AUTS2: variants seen among roughly 807,000 people sequenced by gnomAD.
AUTS2 encodes the protein autism susceptibility gene 2 protein.
Under a neutral mutation model 112.4 loss-of-function variants are expected in AUTS2, and 17 were observed. That is an observed-to-expected ratio of 0.15 (90% CI 0.10 to 0.23). The LOEUF (loss-of-function observed/expected upper bound fraction) is 0.23. Ranked by LOEUF, AUTS2 falls within the 10% of genes least tolerant of loss-of-function variation. AUTS2 has a pLI of 1.00. For synonymous variants in AUTS2, 751 were observed against 702.7 expected, an observed-to-expected ratio of 1.07 and a Z score of -1.09; for missense variants, 1,510 against 1,701.6, an observed-to-expected ratio of 0.89 and a Z score of 1.98.
chr7:70,185,384 G>T (rs1022814968), intron 4 of AUTS2, among the ~76,000 whole-genome samples: 1 of 148,588 alleles, frequency 6.7e-6, no homozygotes, highest in African/African-American at 2.5e-5. Context: ...TGGGATTACA[G>T]TTGTGAGCCA....
At chr7:70,037,651 T>G (rs1801067953) in intron 2 of AUTS2, among the ~76,000 whole-genome samples, 1 of 152,180 alleles carries the variant, frequency 6.6e-6, no homozygotes, top group Admixed American at 6.5e-5. Flanking sequence ...TACTCTTCTT[T>G]TAGCCCAAAT....
At chr7:70,068,153 C>A (rs1802580666) in intron 2 of AUTS2, among the ~76,000 whole-genome samples, 2 of 149,532 alleles carry the variant, frequency 1.3e-5, no homozygotes, top group African/African-American at 4.9e-5. Context: ...TTCTGACTGG[C>A]AAAACATAAG....
At chr7:70,137,654 A>C (rs956300434) in intron 4 of AUTS2, among the ~76,000 whole-genome samples, 1 of 152,132 alleles carries the variant, frequency 6.6e-6, no homozygotes. Context: ...TATGTCTCTG[A>C]GTCTATTTCC....
At position 69,599,631 on chromosome 7, in the gene AUTS2, G is replaced by C; in HGVS notation, c.-23G>C. The C allele has an allele frequency of 1.6e-6, 2 of 1,275,768 alleles. No individual in the cohort carries two copies. The highest frequency in any genetic ancestry group is 3.1e-5 in the South Asian group (1 of 31,798). 79.0% of individuals were successfully genotyped at this position (1,275,768 alleles called of 1,614,324 possible). On this transcript the variant is annotated 5_prime_UTR_variant, in exon 1 of 19. Transcript: ENST00000342771. This position sits in a 1 kb window ranked among gnomAD's most constrained non-coding sequence, Gnocchi z 7.0. ...GCCGTAGCCTGTGGCGGGCAAGCGGGGAGACCCCGGCGCAGCAGAACCATG... is the reference window on the plus strand; with the variant it reads ...GCCGTAGCCTGTGGCGGGCAAGCGGCGAGACCCCGGCGCAGCAGAACCATG...
intron 6 of AUTS2, among the ~76,000 whole-genome samples, chr7:70,726,815 C>T (rs17684191): frequency 0.037 from 5,700 of 152,156 alleles, 201 homozygotes; most frequent in African/African-American, 0.09. Flanking sequence ...GTGGATCTGG[C>T]GCTTTTGTTC....
intron 4 of AUTS2, among the ~76,000 whole-genome samples, chr7:70,421,793 G>A (rs1795234484): frequency 6.6e-6 from 1 of 152,152 alleles, no homozygotes; most frequent in Admixed American, 6.5e-5. Flanking sequence ...GCAGCATTCA[G>A]AAAAATAGCA....
At chr7:70,301,294 T>A (rs552613939) in intron 4 of AUTS2, among the ~76,000 whole-genome samples, 1 of 152,288 alleles carries the variant, frequency 6.6e-6, no homozygotes, top group South Asian at 2.1e-4. Context: ...TTAAGGACTG[T>A]TGTTGGTGAT....
chr7:70,183,946 A>G (rs951050644), intron 4 of AUTS2, among the ~76,000 whole-genome samples: 2 of 151,720 alleles, frequency 1.3e-5, no homozygotes, highest in Non-Finnish European at 2.9e-5. Flanking sequence ...AATTGAATGT[A>G]AAGAAGGAAG....
Position 70,633,639 on chromosome 7 carries a change from A to ACATGGAAT in AUTS2, c.691-64929_691-64922dup, listed in dbSNP as rs1484637108. On this transcript the variant is annotated intron_variant, in intron 5 of 18. Transcript: ENST00000342771. ...AAAAAAAAAAAAAAAAGGACAGAAC[A>ACATGGAAT]CATGGAATGCCTGATCCTTGATTGG... Among the ~76,000 whole-genome samples, 3 of 151,188 alleles carry ACATGGAAT rather than the reference A, an allele frequency of 2.0e-5. No homozygotes were observed. In the East Asian group the frequency reaches 5.8e-4, roughly 29 times the overall value.
intron 5 of AUTS2, among the ~76,000 whole-genome samples, chr7:70,585,406 T>A (rs777061980): frequency 2.0e-5 from 3 of 152,184 alleles, no homozygotes; most frequent in Non-Finnish European, 4.4e-5. Flanking sequence ...CTCCCGCTTC[T>A]CTTCCAGAAT....
intron 1 of AUTS2, among the ~76,000 whole-genome samples, chr7:69,633,043 T>G (rs1232392250): frequency 6.6e-6 from 1 of 152,220 alleles, no homozygotes; most frequent in Non-Finnish European, 1.5e-5. Context: ...CCTTTAGTCC[T>G]CATGTTGTAC....
intron 1 of AUTS2, among the ~76,000 whole-genome samples, chr7:69,882,720 CTG>C (rs1794108818): frequency 6.6e-6 from 1 of 152,146 alleles, no homozygotes; most frequent in Non-Finnish European, 1.5e-5. Context: ...TATGAGAAAA[CTG>C]AAGCTTCACA....
intron 5 of AUTS2, among the ~76,000 whole-genome samples, chr7:70,470,923 G>A (rs574846328): frequency 2.0e-4 from 30 of 152,242 alleles, no homozygotes; most frequent in Admixed American, 4.6e-4. Context: ...CGAACTTCCT[G>A]GATATCTTTA....
intron 4 of AUTS2, among the ~76,000 whole-genome samples, chr7:70,410,242 G>T (rs962925214): frequency 2.6e-5 from 4 of 152,118 alleles, no homozygotes; most frequent in African/African-American, 7.2e-5. Flanking sequence ...GCTCAGTGAT[G>T]CTACTAGGAA....
chr7:69,709,596 A>G (rs995142930), intron 1 of AUTS2, among the ~76,000 whole-genome samples: 1 of 152,202 alleles, frequency 6.6e-6, no homozygotes, highest in African/African-American at 2.4e-5. Flanking sequence ...AAATAAGCAC[A>G]TTTCTGAAAC....
intron 4 of AUTS2, among the ~76,000 whole-genome samples, chr7:70,175,296 C>G (rs1808926594): frequency 6.6e-6 from 1 of 152,166 alleles, no homozygotes; most frequent in Non-Finnish European, 1.5e-5. Context: ...CAAAATTGAA[C>G]AGATGAGGAG....
At chr7:70,348,270 A>G (rs1791587843) in intron 4 of AUTS2, among the ~76,000 whole-genome samples, 1 of 152,212 alleles carries the variant, frequency 6.6e-6, no homozygotes, top group Non-Finnish European at 1.5e-5. Context: ...CCAGCTAGCC[A>G]TTGGCAAAAC....
intron 5 of AUTS2, among the ~76,000 whole-genome samples, chr7:70,675,194 T>C (rs963555496): frequency 4.6e-5 from 7 of 152,160 alleles, no homozygotes; most frequent in African/African-American, 1.7e-4. Context: ...AAAATCCGTA[T>C]TTCAGAAATG....
intron 2 of AUTS2, among the ~76,000 whole-genome samples, chr7:69,994,720 A>C (rs558489831): frequency 3.3e-5 from 5 of 152,340 alleles, no homozygotes; most frequent in African/African-American, 1.2e-4. Flanking sequence ...ATTCGTGGAC[A>C]GATGCTTCTC....
Sources: gnomAD v4.1 joint callset for allele counts (sites outside exome capture counted in the v4.1 genomes callset) on GRCh38, gnomAD v4.1.1 for gene constraint, Gnocchi (gnomAD v3.1) non-coding constraint, MANE v1.5 for transcripts, NCBI Gene and HGNC (gene_info 2026-07-23, HGNC 2026-07-21) for gene names.